Variants in NARS2 observed in about 807,000 individuals in gnomAD.
NARS2 encodes the protein asparaginyl-tRNA synthetase.
In NARS2, 60 loss-of-function variants were observed where a neutral mutation model predicts 62.9. The observed-to-expected ratio is 0.95, with a 90% CI of 0.77 to 1.18. The LOEUF is 1.18. Ranked by LOEUF, NARS2 falls within the 50% of genes most tolerant of loss-of-function variation. NARS2 has a pLI of 0.00. For synonymous variants in NARS2, 196 were observed against 200.0 expected (o/e 0.98, Z 0.17); for missense variants, 619 against 576.4 (o/e 1.07, Z -0.76).
At chr11:78,533,158 T>A (rs536865249) in intron 5 of NARS2, 1 of 152,316 alleles carries the variant, frequency 6.6e-6, no homozygotes, top group East Asian at 1.9e-4. Context: ...GCATGGACCG[T>A]TGCATCCAAC....
intron 5 of NARS2, among the ~76,000 whole-genome samples, chr11:78,546,116 G>A (rs771565858): frequency 5.3e-5 from 8 of 152,096 alleles, no homozygotes; most frequent in Non-Finnish European, 7.4e-5. Flanking sequence ...AATGGCTGCC[G>A]GCACTGGAGT....
At chr11:78,507,875 C>CATT (rs112418734) in intron 6 of NARS2, among the ~76,000 whole-genome samples, 108 of 151,438 alleles carry the variant, frequency 7.1e-4, no homozygotes, top group Non-Finnish European at 1.4e-3. Context: ...AAAATATGAC[C>CATT]CAGAGGGGAA....
intron 6 of NARS2, among the ~76,000 whole-genome samples, chr11:78,513,950 C>T (rs1205888352): frequency 2.0e-5 from 3 of 152,174 alleles, no homozygotes; most frequent in Admixed American, 1.3e-4. Context: ...ACACACCCCC[C>T]TACACACACA....
Position 78,483,627 on chromosome 11 carries a change from C to T in NARS2, c.823-4944G>A, listed in dbSNP as rs141065644. ...AGCAGAGAGCCAAATCATGAGTCAA[C>T]TCCCATTCACAACTGCTACAAAGAG... On this transcript the variant is annotated intron_variant, in intron 7 of 13. Transcript: ENST00000281038. 4.4e-3 allele frequency among the ~76,000 whole-genome samples: 675 copies of T among 152,250 alleles called. 20 individuals are homozygous for T. The East Asian group carries it at 0.061, about 14-fold the overall frequency.
intron 2 of NARS2, among the ~76,000 whole-genome samples, chr11:78,569,464 T>C (rs7945812): frequency 0.67 from 101,286 of 152,066 alleles, 35,336 homozygotes; most frequent in Non-Finnish European, 0.79. Context: ...CCATCTGTTC[T>C]AGTTCTAACA....
At chr11:78,491,730 G>A (rs1591199665) in intron 7 of NARS2, among the ~76,000 whole-genome samples, 1 of 152,062 alleles carries the variant, frequency 6.6e-6, no homozygotes, top group Non-Finnish European at 1.5e-5. Context: ...CTTTCCTTAT[G>A]AATACTGTTC....
chr11:78,515,388 G>A (rs373777071), intron 6 of NARS2, among the ~76,000 whole-genome samples: 1 of 152,156 alleles, frequency 6.6e-6, no homozygotes, highest in African/African-American at 2.4e-5. Context: ...TAGGGGTTGG[G>A]GGTAGGAGAA....
In NARS2 at chr11:78,469,295, T is replaced by C. The variant is rs750645454; in HGVS notation, c.978A>G (p.Ala326=). 4 of 1,613,250 alleles carry C rather than the reference T, an allele frequency of 2.5e-6. No individual in the cohort carries two copies. The African/African-American group carries it at 5.3e-5, about 22-fold the overall frequency. The change falls in exon 10 of 14, where the codon GCA becomes GCG. Residue 326 remains alanine (A), a synonymous_variant. Transcript: ENST00000281038. ...GGGATGCTTGCTTTAAGATCTCCAC[T>C]GCTTCAGTATAAGAAATGCTGGAGG... ...NNFLIISYTE[A]VEILKQASQN... is the part of the protein sequence containing the mutation.
intron 9 of NARS2, among the ~76,000 whole-genome samples, chr11:78,470,759 T>C (rs1024051879): frequency 3.9e-5 from 6 of 152,160 alleles, no homozygotes; most frequent in Admixed American, 3.9e-4. Flanking sequence ...TTGCAATTTT[T>C]ATATTTTCTG....
intron 13 of NARS2, among the ~76,000 whole-genome samples, chr11:78,439,640 T>C (rs755824303): frequency 6.6e-6 from 1 of 152,144 alleles, no homozygotes; most frequent in Admixed American, 6.5e-5. Flanking sequence ...TCATTACTGG[T>C]TAATATAAGG....
At chr11:78,572,239 TGTTAAA>T (rs1856955528) in intron 1 of NARS2, among the ~76,000 whole-genome samples, 1 of 152,250 alleles carries the variant, frequency 6.6e-6, no homozygotes, top group African/African-American at 2.4e-5. Context: ...TACTTTCACT[TGTTAAA>T]GTTAACATTT....
intron 5 of NARS2, among the ~76,000 whole-genome samples, chr11:78,551,265 G>A (rs927386289): frequency 3.9e-5 from 6 of 152,146 alleles, no homozygotes; most frequent in Middle Eastern, 3.2e-3. Flanking sequence ...CGAACATCAC[G>A]GAGTCTATTT....
rs560885740 is a variant in NARS2, at chr11:78,477,128, A to T, written c.959+1310T>A. Among the ~76,000 whole-genome samples the T allele has an allele frequency of 2.8e-3, 426 of 152,284 alleles. 2 individuals carry two copies. The highest frequency in any genetic ancestry group is 4.4e-3 in the Non-Finnish European group (302 of 68,024). On this transcript the variant is annotated intron_variant, in intron 9 of 13. Coordinates refer to ENST00000281038, the MANE Select transcript of NARS2 (RefSeq NM_024678.6). ...TCTTTTCATTAGATAGGAGCTGGAA[A>T]ACTAAGATCCTTCCCTGGTTGTTTT...
At chr11:78,544,018 CAAAAAA>C (rs10688131) in intron 5 of NARS2, among the ~76,000 whole-genome samples, 3 of 73,918 alleles carry the variant, frequency 4.1e-5, no homozygotes, top group Admixed American at 1.9e-4. Context: ...GACTCTGTCT[CAAAAAA>C]AAAAAAAAAA....
chr11:78,482,648 T>C (rs1442214264), intron 7 of NARS2, among the ~76,000 whole-genome samples: 2 of 151,896 alleles, frequency 1.3e-5, no homozygotes, highest in East Asian at 1.9e-4. Flanking sequence ...CTAGAAGAAA[T>C]GGATAAATTC....
chr11:78,510,083 T>C (rs1296948099), intron 6 of NARS2, among the ~76,000 whole-genome samples: 3 of 152,072 alleles, frequency 2.0e-5, no homozygotes, highest in African/African-American at 7.2e-5. Context: ...AAAAAAGCTA[T>C]AAAGTATATA....
intron 7 of NARS2, among the ~76,000 whole-genome samples, chr11:78,481,251 G>A (rs1353372606): frequency 6.6e-6 from 1 of 152,206 alleles, no homozygotes; most frequent in African/African-American, 2.4e-5. Flanking sequence ...TGGGGAGGGT[G>A]AGAGGGGTAT....
intron 6 of NARS2, among the ~76,000 whole-genome samples, chr11:78,501,353 AAT>A: frequency 6.6e-6 from 1 of 152,330 alleles, no homozygotes; most frequent in Non-Finnish European, 1.5e-5. Flanking sequence ...ATCTTGAGAC[AAT>A]GAGAATGAAA....
At chr11:78,541,717 T>C (rs1363110326) in intron 5 of NARS2, among the ~76,000 whole-genome samples, 1 of 152,082 alleles carries the variant, frequency 6.6e-6, no homozygotes, top group South Asian at 2.1e-4. Context: ...CTAAAATCAA[T>C]CAACCAACCA....
Sources: gnomAD v4.1 joint callset for allele counts (sites outside exome capture counted in the v4.1 genomes callset) on GRCh38, gnomAD v4.1.1 for gene constraint, MANE v1.5 for transcripts, NCBI Gene and HGNC (gene_info 2026-07-23, HGNC 2026-07-21) for gene names.